ADAMTS2: variants seen among roughly 807,000 people sequenced by gnomAD.
ADAMTS2 encodes A disintegrin and metalloproteinase with thrombospondin motifs 2.
Under a neutral mutation model 123.0 loss-of-function variants are expected in ADAMTS2, and 50 were observed. The ratio of observed to expected loss-of-function variants is 0.41; its 90% CI spans 0.32 to 0.51. The LOEUF (loss-of-function observed/expected upper bound fraction) is 0.51, where lower values mean the gene tolerates loss of function less well. ADAMTS2 is among the 20% of genes least tolerant of loss of function. ADAMTS2 has a pLI of 0.35. For synonymous variants in ADAMTS2, 678 were observed against 695.4 expected (o/e 0.98, Z 0.39); for missense variants, 1,494 against 1,705.2 (o/e 0.88, Z 2.18).
intron 21 of ADAMTS2, chr5:179,120,951 C>T (rs1253993106): frequency 3.9e-5 from 6 of 152,182 alleles, no homozygotes; most frequent in Non-Finnish European, 5.9e-5. Flanking sequence ...AGCAAAAAAG[C>T]AATAAAAATT....
chr5:179,136,966 T>C (rs1330877474), intron 12 of ADAMTS2, among the ~76,000 whole-genome samples: 2 of 141,840 alleles, frequency 1.4e-5, no homozygotes, highest in Non-Finnish European at 1.6e-5. Flanking sequence ...TGAGACTCCG[T>C]CTCAAAAAAA....
chr5:179,142,944 C>G (rs1763195344), intron 10 of ADAMTS2, among the ~76,000 whole-genome samples: 1 of 152,128 alleles, frequency 6.6e-6, no homozygotes, highest in South Asian at 2.1e-4. Flanking sequence ...GACCCATACG[C>G]AGGAAATGAA....
In ADAMTS2 at chr5:179,131,474, G is replaced by A. The variant is rs980910650; in HGVS notation, c.2290+756C>T. ...GGTGCTGGTCCACGGCAGCGTGGGA[G>A]CCCCAATCCTGTCCAGCCTCCTGGG... On this transcript the variant is annotated intron_variant, in intron 15 of 21. Transcript: ENST00000251582. Among the ~76,000 whole-genome samples the A allele has an allele frequency of 2.6e-5, 4 of 152,158 alleles. No individual in the cohort carries two copies. In the South Asian group the frequency reaches 8.3e-4, roughly 32 times the overall value.
At chr5:179,153,409 A>G in intron 9 of ADAMTS2, 82 bp downstream of exon 9, 1 of 1,588,986 alleles carries the variant, frequency 6.3e-7, no homozygotes, top group Non-Finnish European at 8.5e-7. Flanking sequence ...GCCGGTCCTC[A>G]CACTGTCCCG....
At chr5:179,141,839 C>T (rs747323277) in intron 10 of ADAMTS2, among the ~76,000 whole-genome samples, 36 of 152,202 alleles carry the variant, frequency 2.4e-4, no homozygotes, top group Non-Finnish European at 3.5e-4. Flanking sequence ...CCCACCCAGG[C>T]CCCACTCATA....
chr5:179,136,737 G>C (rs575635631), intron 12 of ADAMTS2, among the ~76,000 whole-genome samples: 1 of 151,302 alleles, frequency 6.6e-6, no homozygotes, highest in Non-Finnish European at 1.5e-5. Flanking sequence ...TTGGGAGGCC[G>C]AGGCAGGCGG....
At chr5:179,143,059 T>C (rs994003490) in intron 10 of ADAMTS2, among the ~76,000 whole-genome samples, 1 of 152,196 alleles carries the variant, frequency 6.6e-6, no homozygotes, top group African/African-American at 2.4e-5. Context: ...AAGGAAATCA[T>C]GTCTAAAGAA....
chr5:179,343,734 G>T (rs1420156513), intron 2 of ADAMTS2, 33 bp downstream of exon 2: 1 of 1,601,630 alleles, frequency 6.2e-7, no homozygotes, highest in African/African-American at 1.3e-5. Flanking sequence ...CGAGAGCAGC[G>T]GAGAGAAAGG....
At chr5:179,335,221 A>G (rs1757583515) in intron 2 of ADAMTS2, among the ~76,000 whole-genome samples, 1 of 152,218 alleles carries the variant, frequency 6.6e-6, no homozygotes, top group Non-Finnish European at 1.5e-5. Context: ...TTTAAAAAAA[A>G]AAGACACAGG....
intron 4 of ADAMTS2, among the ~76,000 whole-genome samples, chr5:179,187,910 G>A (rs60920018): frequency 1.3e-5 from 2 of 152,322 alleles, no homozygotes; most frequent in East Asian, 3.9e-4. Flanking sequence ...GGAAGGAGCG[G>A]CTCTGCATGG....
chr5:179,121,426 A>G (rs1392198164), intron 21 of ADAMTS2: 3 of 370,158 alleles, frequency 8.1e-6, no homozygotes, highest in Non-Finnish European at 1.4e-5. Context: ...GCCCCTTTAC[A>G]AGCCATCACC....
chr5:179,266,962 T>C (rs17079284), intron 3 of ADAMTS2, among the ~76,000 whole-genome samples: 6,264 of 152,278 alleles, frequency 0.041, 282 homozygotes, highest in East Asian at 0.2. Context: ...CAGTACGAGC[T>C]TGCTGAAACA....
rs577729903 is a variant in ADAMTS2 at position 179,259,413 on chromosome 5, C to T, written c.688+13498G>A. On this transcript the variant is annotated intron_variant, in intron 3 of 21. Transcript: ENST00000251582. Reference sequence around the variant, plus strand: ...TGGTCCCAGAGCCTGGCCCAGTGCCCGGTCCTGCTGTGCGTGCCGGGTAAA... The same window carrying T: ...TGGTCCCAGAGCCTGGCCCAGTGCCTGGTCCTGCTGTGCGTGCCGGGTAAA... Among the ~76,000 whole-genome samples, 54 of 152,330 alleles carry T rather than the reference C, an allele frequency of 3.5e-4. No individual in the cohort carries two copies. In the South Asian group the frequency reaches 8.5e-3, roughly 24 times the overall value.
At chr5:179,296,665 A>G (rs926492184) in intron 2 of ADAMTS2, among the ~76,000 whole-genome samples, 5 of 152,072 alleles carry the variant, frequency 3.3e-5, no homozygotes, top group African/African-American at 1.2e-4. Flanking sequence ...CGGCCTGGGC[A>G]GAGGGCAGGA....
chr5:179,240,603 C>T (rs1765641335), intron 3 of ADAMTS2, among the ~76,000 whole-genome samples: 1 of 152,172 alleles, frequency 6.6e-6, no homozygotes, highest in Non-Finnish European at 1.5e-5. Flanking sequence ...TGACCAAGGC[C>T]AAATCCAGTG....
Position 179,135,901 on chromosome 5 carries a change from G to T in ADAMTS2, c.2085+8C>A, listed in dbSNP as rs199825726. ...GGTAGCCCCCCGTGCCGGCCTCTGTGTACTCACCCTGCAGTCCCCGCGCAC... is the reference window on the plus strand; with the variant it reads ...GGTAGCCCCCCGTGCCGGCCTCTGTTTACTCACCCTGCAGTCCCCGCGCAC... On this transcript the variant is annotated splice_region_variant and intron_variant, in intron 13 of 21. Coordinates refer to ENST00000251582, the MANE Select transcript of ADAMTS2 (RefSeq NM_014244.5). 46 of 1,613,000 alleles carry T rather than the reference G, an allele frequency of 2.9e-5. No individual in the cohort carries two copies. In the African/African-American group the frequency reaches 5.5e-4, roughly 19 times the overall value.
At chr5:179,223,673 T>C (rs1581202338) in intron 3 of ADAMTS2, among the ~76,000 whole-genome samples, 1 of 139,788 alleles carries the variant, frequency 7.2e-6, no homozygotes, top group African/African-American at 2.6e-5. Context: ...CACTCACACA[T>C]GAATGCACTC....
chr5:179,145,391 G>A (rs1182234278), intron 10 of ADAMTS2, among the ~76,000 whole-genome samples: 6 of 152,048 alleles, frequency 3.9e-5, no homozygotes, highest in African/African-American at 1.2e-4. Context: ...CAAGAAAAAC[G>A]ACCCATGCAC....
At chr5:179,263,646 C>T (rs942400673) in intron 3 of ADAMTS2, among the ~76,000 whole-genome samples, 2 of 152,236 alleles carry the variant, frequency 1.3e-5, no homozygotes, top group Non-Finnish European at 2.9e-5. Context: ...TCACGGCAAG[C>T]CCCAGCCAAA....
Sources: gnomAD v4.1 joint callset for allele counts (sites outside exome capture counted in the v4.1 genomes callset) on GRCh38, gnomAD v4.1.1 for gene constraint, MANE v1.5 for transcripts, NCBI Gene and HGNC (gene_info 2026-07-23, HGNC 2026-07-21) for gene names.